The following DMRT3 variants were observed in gnomAD, a reference collection of about 807,000 sequenced individuals.
DMRT3 encodes the protein doublesex and mab-3 related transcription factor 3.
A neutral mutation model predicts 34.9 loss-of-function variants in DMRT3; 29 were observed. The ratio of observed to expected loss-of-function variants is 0.83; its 90% CI spans 0.62 to 1.13. The LOEUF is 1.13. Ranked by LOEUF, DMRT3 falls within the 50% of genes most tolerant of loss-of-function variation. The pLI is 0.00. For missense variants in DMRT3, 772 were observed against 629.1 expected (o/e 1.23, Z -2.43); for synonymous variants, 350 against 286.0 (o/e 1.22, Z -2.26).
rs769827100 is a variant in DMRT3 at position 990,385 on chromosome 9, C to G, written c.799C>G (p.Leu267Val). 6 of 1,614,088 alleles carry G rather than the reference C, an allele frequency of 3.7e-6. No individual in the cohort carries two copies. The East Asian group carries it at 1.1e-4, about 30-fold the overall frequency. ...KIFPNQKPTV[L>V]ELILKGCGGD... ...ATTCCCCAACCAGAAGCCAACGGTG[C>G]TTGAGCTCATCCTCAAGGGCTGTGG... The change falls in exon 2 of 2, where the codon CTT (leucine) becomes GTT (valine). Residue 267 changes from leucine (L) to valine (V), a missense_variant. By Grantham distance (32) the Leu-to-Val change is conservative. Coordinates refer to ENST00000190165, the MANE Select transcript of DMRT3 (RefSeq NM_021240.4).
chr9:982,555 A>C (rs183241272), intron 1 of DMRT3, among the ~76,000 whole-genome samples: 2 of 152,372 alleles, frequency 1.3e-5, no homozygotes, highest in Non-Finnish European at 2.9e-5. Flanking sequence ...GTCAGGCTCA[A>C]GTGAAATGTT....
rs753586236 is a variant in DMRT3, at chr9:990,663, G to GC, written c.1082dup (p.Gln364ProfsTer25). 5 of 1,614,098 alleles carry GC rather than the reference G, an allele frequency of 3.1e-6. No individual in the cohort carries two copies. Among genetic ancestry groups the GC allele is most frequent in the Non-Finnish European group, 8.5e-7 (1 of 1,180,026 alleles). On this transcript the variant is annotated frameshift_variant, in exon 2 of 2. Coordinates refer to ENST00000190165, the MANE Select transcript of DMRT3 (RefSeq NM_021240.4). LOFTEE classifies it high-confidence loss of function. ...CCAGTCCCTTGGCTGGGCCTCTGCAGCCCCCTTTCCCCCAGCCACCCCGGT... is the reference window on the plus strand; with the variant it reads ...CCAGTCCCTTGGCTGGGCCTCTGCAGCCCCCCTTTCCCCCAGCCACCCCGGT...
intron 1 of DMRT3, among the ~76,000 whole-genome samples, chr9:984,458 CAT>C (rs1563688686): frequency 2.0e-5 from 3 of 147,238 alleles, no homozygotes; most frequent in Admixed American, 1.4e-4. Flanking sequence ...AGATTTTTCA[CAT>C]TTTTTTTTTT....
chr9:982,297 C>T (rs982070271), intron 1 of DMRT3, among the ~76,000 whole-genome samples: 4 of 152,144 alleles, frequency 2.6e-5, no homozygotes, highest in South Asian at 2.1e-4. Flanking sequence ...GGATCTGGGA[C>T]GGTTTGGCAG....
At position 977,211 on chromosome 9, in the gene DMRT3, G is replaced by T. The variant is rs1586681172; in HGVS notation, c.210G>T (p.Ala70=). 5 of 1,605,508 alleles carry T rather than the reference G, an allele frequency of 3.1e-6. No homozygotes were observed. The East Asian group carries it at 1.1e-4, about 36-fold the overall frequency. The part of the protein sequence containing the change: ...LIIERQRVMA[A]QVALRRQQAN... ...TCGAGCGGCAGCGGGTCATGGCTGC[G>T]CAGGTGGCGCTGCGCCGGCAGCAGG... Residue 70 remains alanine (A), a synonymous_variant, in exon 1 of 2, where the codon GCG becomes GCT. Transcript: ENST00000190165.
Position 977,286 on chromosome 9 carries a change from AG to A in DMRT3, c.288del (p.Pro98ArgfsTer56). On this transcript the variant is annotated frameshift_variant, in exon 1 of 2. Coordinates refer to ENST00000190165, the MANE Select transcript of DMRT3 (RefSeq NM_021240.4). LOFTEE classifies it high-confidence loss of function. ...LIPDSLRALP[G>X]PPPPGDAVAA... Reference sequence around the variant, plus strand: ...TCCCCGACTCGCTGCGCGCTCTGCCAGGGCCCCCGCCGCCGGGGGACGCCGT... The same window carrying A: ...TCCCCGACTCGCTGCGCGCTCTGCCAGGCCCCCGCCGCCGGGGGACGCCGT... The A allele has an allele frequency of 6.9e-7, 1 of 1,441,158 alleles. No homozygotes were observed. The highest frequency in any genetic ancestry group is 9.2e-7 in the Non-Finnish European group (1 of 1,091,418). 89.3% of individuals were successfully genotyped at this position (1,441,158 alleles called of 1,614,324 possible). A position where few individuals can be genotyped will look rare whatever the true frequency, so the allele number is the denominator to read the frequency against.
At position 991,225 on chromosome 9, in the gene DMRT3, T is replaced by G; in HGVS notation, c.*220T>G. On this transcript the variant is annotated 3_prime_UTR_variant, in exon 2 of 2. Transcript: ENST00000190165. ...TGTTCTGTGGCTTTAGTGCTGAATG[T>G]TTATTGTAAAAGAGAGTCTAATGTT... 1 of 524,298 alleles carries G rather than the reference T, an allele frequency of 1.9e-6. No homozygotes were observed. The highest frequency in any genetic ancestry group is 3.3e-6 in the Non-Finnish European group (1 of 306,930). 32.5% of individuals were successfully genotyped at this position (524,298 alleles called of 1,614,324 possible).
intron 1 of DMRT3, chr9:989,783 C>A: frequency 2.7e-6 from 1 of 374,708 alleles, no homozygotes; most frequent in Admixed American, 4.3e-5. Context: ...GTTCATGTAG[C>A]CATTCTATGT....
chr9:984,335 A>G (rs1376716672), intron 1 of DMRT3, among the ~76,000 whole-genome samples: 1 of 152,212 alleles, frequency 6.6e-6, no homozygotes, highest in East Asian at 1.9e-4. Flanking sequence ...GAGCTAGGAA[A>G]TATTCCTCTC....
chr9:989,683 T>A (rs556919266), intron 1 of DMRT3, among the ~76,000 whole-genome samples: 2 of 152,322 alleles, frequency 1.3e-5, no homozygotes, highest in South Asian at 4.1e-4. Context: ...TGTTTCTCCC[T>A]GAGCTTTGCT....
Position 983,376 on chromosome 9 carries a change from T to G in DMRT3, c.454+5921T>G, listed in dbSNP as rs546518397. On this transcript the variant is annotated intron_variant, in intron 1 of 1. Coordinates refer to ENST00000190165, the MANE Select transcript of DMRT3 (RefSeq NM_021240.4). Reference sequence around the variant, plus strand: ...CCCATAATCTTTATATGTAAGCATTTAAAACAATATTTCCTCCTGTGAAGA... The same window carrying G: ...CCCATAATCTTTATATGTAAGCATTGAAAACAATATTTCCTCCTGTGAAGA... Among the ~76,000 whole-genome samples, 261 of 152,316 alleles carry G rather than the reference T, an allele frequency of 1.7e-3. 1 individual carries two copies. The highest frequency in any genetic ancestry group is 5.2e-3 in the African/African-American group (218 of 41,578).
chr9:989,399 T>C, intron 1 of DMRT3, among the ~76,000 whole-genome samples: 1 of 152,248 alleles, frequency 6.6e-6, no homozygotes, highest in East Asian at 1.9e-4. Context: ...GGCAACCAAG[T>C]TTGCCAATGC....
intron 1 of DMRT3, among the ~76,000 whole-genome samples, chr9:978,581 G>C (rs958877770): frequency 2.6e-5 from 4 of 152,178 alleles, no homozygotes; most frequent in Non-Finnish European, 5.9e-5. Flanking sequence ...TTCGGAGAAA[G>C]GCTTTCAGGA....
chr9:978,926 A>C (rs1563687062), intron 1 of DMRT3, among the ~76,000 whole-genome samples: 1 of 152,182 alleles, frequency 6.6e-6, no homozygotes, highest in Non-Finnish European at 1.5e-5. Flanking sequence ...GGGAGGAGAA[A>C]AAGGTTTTAT....
Position 990,400 on chromosome 9 carries a change from A to G in DMRT3, c.814A>G (p.Lys272Glu), listed in dbSNP as rs761022905. The G allele has an allele frequency of 4.3e-6, 7 of 1,614,032 alleles. No homozygotes were observed. The highest frequency in any genetic ancestry group is 5.9e-6 in the Non-Finnish European group (7 of 1,180,022). The change falls in exon 2 of 2, where the codon AAG becomes GAG. Residue 272 changes from lysine to glutamate, a missense_variant. Lys to Glu is a moderately conservative substitution (Grantham distance 56, BLOSUM62 1). Coordinates refer to ENST00000190165, the MANE Select transcript of DMRT3 (RefSeq NM_021240.4). Reference protein sequence around the residue: ...QKPTVLELILKGCGGDLVSAV... With the variant: ...QKPTVLELILEGCGGDLVSAV... ...GCCAACGGTGCTTGAGCTCATCCTC[A>G]AGGGCTGTGGCGGGGACCTGGTGAG... is the stretch of plus-strand genomic sequence containing the variant.
At position 977,395 on chromosome 9, in the gene DMRT3, G is replaced by T. The variant is rs764377835; in HGVS notation, c.394G>T (p.Ala132Ser). The change falls in exon 1 of 2, where the codon GCG becomes TCG. Residue 132 changes from alanine (A) to serine (S), a missense_variant. Ala to Ser is a moderately conservative substitution (Grantham distance 99). Transcript: ENST00000190165. ...RPAAELAAAA[A>S]LRWTAEPQPG... ...TGCTGCCGAGTTGGCCGCGGCCGCC[G>T]CGCTGCGTTGGACTGCCGAGCCGCA... 150 of 1,244,360 alleles carry T rather than the reference G, an allele frequency of 1.2e-4. 1 individual carries two copies. The highest frequency in any genetic ancestry group is 1.4e-4 in the Non-Finnish European group (139 of 996,190). The allele number at this position is 1,244,360 out of a possible 1,614,324, so 77.1% of individuals were successfully genotyped here.
At chr9:984,359 C>T (rs1439950536) in intron 1 of DMRT3, among the ~76,000 whole-genome samples, 1 of 151,998 alleles carries the variant, frequency 6.6e-6, no homozygotes, top group Non-Finnish European at 1.5e-5. Context: ...TCGAGTTTTT[C>T]TGTGTTTTCA....
rs190233049 is a variant in DMRT3 at position 989,467 on chromosome 9, T to C, written c.455-574T>C. ...ATAGAGGTATCTTTCACTTCAGCAA[T>C]TGAATTAGCTAGCTATTGTATATGG... is the stretch of plus-strand genomic sequence containing the variant. On this transcript the variant is annotated intron_variant, in intron 1 of 1. Transcript: ENST00000190165. Among the ~76,000 whole-genome samples, 118 of 152,228 alleles carry C rather than the reference T, an allele frequency of 7.8e-4. 2 individuals carry two copies. Among genetic ancestry groups the C allele is most frequent in the African/African-American group, 4.8e-5 (2 of 41,456 alleles).
chr9:989,015 T>A (rs1820317336), intron 1 of DMRT3, among the ~76,000 whole-genome samples: 1 of 152,216 alleles, frequency 6.6e-6, no homozygotes, highest in Non-Finnish European at 1.5e-5. Context: ...TAAGTAAAAA[T>A]GTTCTTAGGT....
Sources: allele counts gnomAD v4.1 joint callset (sites outside exome capture counted in the v4.1 genomes callset), GRCh38; gene constraint gnomAD v4.1.1; transcripts MANE v1.5; gene names NCBI Gene and HGNC (gene_info 2026-07-23, HGNC 2026-07-21).